Variants in KCNIP4 observed in about 807,000 individuals in gnomAD.
The protein encoded by KCNIP4 is Kv channel-interacting protein 4.
KCNIP4 carries 12 observed loss-of-function variants against 34.0 expected under a neutral mutation model. The ratio of observed to expected loss-of-function variants is 0.35; its 90% CI spans 0.23 to 0.57. KCNIP4 has a LOEUF of 0.57. Among genes scored for constraint, KCNIP4 ranks in the 20% least tolerant of loss-of-function variants. The probability of loss-of-function intolerance (pLI) is 0.83; values close to 1 mark genes in which losing one functional copy is unlikely to be tolerated. For missense variants in KCNIP4, 238 were observed against 311.7 expected (o/e 0.76, Z 1.78); for synonymous variants, 124 against 102.2 (o/e 1.21, Z -1.29).
chr4:21,440,732 T>C (rs73249585), intron 1 of KCNIP4, among the ~76,000 whole-genome samples: 5,009 of 152,306 alleles, frequency 0.033, 106 homozygotes, highest in Middle Eastern at 0.095. Flanking sequence ...CTTGAATAAA[T>C]ATCAGAATCA....
At chr4:21,509,850 G>A (rs1054704297) in intron 1 of KCNIP4, among the ~76,000 whole-genome samples, 4 of 152,108 alleles carry the variant, frequency 2.6e-5, no homozygotes, top group African/African-American at 9.7e-5. Flanking sequence ...AGGAGCAGTG[G>A]CTCATGCCTG....
chr4:21,336,555 T>C (rs1716199411), intron 1 of KCNIP4, among the ~76,000 whole-genome samples: 1 of 152,190 alleles, frequency 6.6e-6, no homozygotes, highest in South Asian at 2.1e-4. Context: ...GCCAATTTGA[T>C]TCTTAAATAT....
At chr4:21,043,802 C>T (rs1742174175) in intron 1 of KCNIP4, among the ~76,000 whole-genome samples, 1 of 152,098 alleles carries the variant, frequency 6.6e-6, no homozygotes, top group Admixed American at 6.5e-5. Context: ...CATTATGTCA[C>T]TTAATCCTCA....
At chr4:20,972,672 C>A (rs1056053243) in intron 1 of KCNIP4, among the ~76,000 whole-genome samples, 1 of 151,976 alleles carries the variant, frequency 6.6e-6, no homozygotes, top group Non-Finnish European at 1.5e-5. Context: ...AGTGCGGACC[C>A]AAAGAGTGAG....
chr4:20,986,054 G>C (rs1736543579), intron 1 of KCNIP4, among the ~76,000 whole-genome samples: 1 of 152,110 alleles, frequency 6.6e-6, no homozygotes, highest in South Asian at 2.1e-4. Context: ...CCCAGTCCCT[G>C]GGGTCCCCTG....
intron 1 of KCNIP4, among the ~76,000 whole-genome samples, chr4:21,215,469 T>C (rs1757490487): frequency 6.6e-6 from 1 of 152,248 alleles, no homozygotes; most frequent in African/African-American, 2.4e-5. Flanking sequence ...TGAAACTCCA[T>C]GCAAATGCAA....
chr4:21,037,787 G>A (rs988690400), intron 1 of KCNIP4, among the ~76,000 whole-genome samples: 4 of 151,774 alleles, frequency 2.6e-5, no homozygotes, highest in Admixed American at 1.3e-4. Context: ...AAAAGGTCTC[G>A]CAAACCCTCA....
chr4:21,855,869 T>C (rs1437191348), intron 1 of KCNIP4, among the ~76,000 whole-genome samples: 2 of 152,240 alleles, frequency 1.3e-5, no homozygotes, highest in Non-Finnish European at 2.9e-5. Flanking sequence ...TCTATCTAGT[T>C]GGGCTTTTCC....
intron 1 of KCNIP4, among the ~76,000 whole-genome samples, chr4:21,698,866 C>T (rs1251820314): frequency 6.6e-6 from 1 of 152,132 alleles, no homozygotes; most frequent in Non-Finnish European, 1.5e-5. Context: ...TAGACTGAAA[C>T]ACATTGAATG....
intron 1 of KCNIP4, among the ~76,000 whole-genome samples, chr4:21,208,633 T>C (rs1577890854): frequency 6.6e-6 from 1 of 152,166 alleles, no homozygotes; most frequent in East Asian, 1.9e-4. Context: ...TTCTTTCTAG[T>C]GTTATCTCTT....
At chr4:21,488,082 A>C (rs779797441) in intron 1 of KCNIP4, among the ~76,000 whole-genome samples, 1 of 152,160 alleles carries the variant, frequency 6.6e-6, no homozygotes, top group Non-Finnish European at 1.5e-5. Flanking sequence ...ACATAGAAGG[A>C]GAATATATGT....
intron 1 of KCNIP4, among the ~76,000 whole-genome samples, chr4:21,456,466 C>T (rs962635014): frequency 1.4e-5 from 2 of 148,030 alleles, no homozygotes; most frequent in African/African-American, 5.3e-5. Context: ...AATGTACTAC[C>T]CACCTATATA....
At chr4:21,709,602 AT>A (rs1022252188) in intron 1 of KCNIP4, among the ~76,000 whole-genome samples, 7 of 152,044 alleles carry the variant, frequency 4.6e-5, no homozygotes, top group African/African-American at 7.2e-5. Context: ...GATGCAAATA[AT>A]TTTTTTTAAA....
chr4:21,526,900 A>G (rs1326575015), intron 1 of KCNIP4, among the ~76,000 whole-genome samples: 1 of 152,212 alleles, frequency 6.6e-6, no homozygotes, highest in Non-Finnish European at 1.5e-5. Context: ...CAATGTGAGG[A>G]AATGCTTTTT....
chr4:21,425,637 T>C (rs963192450), intron 1 of KCNIP4, among the ~76,000 whole-genome samples: 1 of 152,206 alleles, frequency 6.6e-6, no homozygotes, highest in African/African-American at 2.4e-5. Flanking sequence ...ATATATGTCA[T>C]TAACCTTTAC....
chr4:20,991,725 C>T (rs1040218467), intron 1 of KCNIP4, among the ~76,000 whole-genome samples: 8 of 152,212 alleles, frequency 5.3e-5, no homozygotes, highest in African/African-American at 1.9e-4. Flanking sequence ...GCCACAGCTT[C>T]AGATGACCTT....
chr4:21,151,374 T>C (rs1752736976), intron 1 of KCNIP4, among the ~76,000 whole-genome samples: 1 of 147,482 alleles, frequency 6.8e-6, no homozygotes, highest in Admixed American at 6.8e-5. Context: ...ATTAACTAAA[T>C]ACCATAGAAT....
At chr4:21,769,942 G>C (rs1206229459) in intron 1 of KCNIP4, among the ~76,000 whole-genome samples, 2 of 152,100 alleles carry the variant, frequency 1.3e-5, no homozygotes, top group Non-Finnish European at 2.9e-5. Context: ...GACCTAGGAG[G>C]AGGGCAGCTT....
At chr4:21,916,913 C>T (rs944807170) in intron 1 of KCNIP4, among the ~76,000 whole-genome samples, 1 of 152,122 alleles carries the variant, frequency 6.6e-6, no homozygotes, top group African/African-American at 2.4e-5. Context: ...CTCTTTCTTA[C>T]ATCCTAAATT....
Sources: gnomAD v4.1 joint callset for allele counts (sites outside exome capture counted in the v4.1 genomes callset) on GRCh38, gnomAD v4.1.1 for gene constraint, MANE v1.5 for transcripts, NCBI Gene and HGNC (gene_info 2026-07-23, HGNC 2026-07-21) for gene names.